Variants in SEC14L1 observed in about 807,000 individuals in gnomAD.
The protein encoded by SEC14L1 is SEC14 like lipid binding 1.
Under a neutral mutation model 85.3 loss-of-function variants are expected in SEC14L1, and 48 were observed. The observed-to-expected ratio is 0.56, with a 90% CI of 0.45 to 0.72. The LOEUF (loss-of-function observed/expected upper bound fraction) is 0.72, where lower values mean the gene tolerates loss of function less well. Among genes scored for constraint, SEC14L1 ranks in the 30% least tolerant of loss-of-function variants. The pLI is 0.00. For synonymous variants in SEC14L1, 391 were observed against 355.5 expected, an observed-to-expected ratio of 1.10 and a Z score of -1.12; for missense variants, 682 against 921.4, an observed-to-expected ratio of 0.74 and a Z score of 3.36.
At chr17:77,118,018 G>A (rs1202149786) in intron 3 of SEC14L1, among the ~76,000 whole-genome samples, 2 of 152,254 alleles carry the variant, frequency 1.3e-5, no homozygotes, top group Non-Finnish European at 2.9e-5. Flanking sequence ...TCTAATCTCA[G>A]TCAGCTTCAG....
intron 3 of SEC14L1, among the ~76,000 whole-genome samples, chr17:77,184,630 C>T (rs1419069524): frequency 3.3e-5 from 5 of 152,160 alleles, no homozygotes; most frequent in African/African-American, 9.7e-5. Flanking sequence ...TGGTGAGAAA[C>T]GTTTCTGCCT....
At chr17:77,138,737 T>A (rs1598280442), upstream of SEC14L1, among the ~76,000 whole-genome samples, 1 of 151,994 alleles carries the variant, frequency 6.6e-6, no homozygotes. Context: ...AGGTGGGAGG[T>A]TCACTTGAGG....
intron 3 of SEC14L1, among the ~76,000 whole-genome samples, chr17:77,116,531 C>T (rs916459362): frequency 6.6e-6 from 1 of 152,072 alleles, no homozygotes; most frequent in African/African-American, 2.4e-5. Context: ...GGAGTGGGAA[C>T]TTGGGAGGAG....
At chr17:77,197,863 C>A (rs1268983480) in intron 8 of SEC14L1, among the ~76,000 whole-genome samples, 3 of 152,200 alleles carry the variant, frequency 2.0e-5, no homozygotes, top group Non-Finnish European at 2.9e-5. Flanking sequence ...GCCTTAGCCT[C>A]CCAAAGGGCT....
At chr17:77,100,264 CTG>C (rs1971737714) in intron 3 of SEC14L1, among the ~76,000 whole-genome samples, 1 of 152,240 alleles carries the variant, frequency 6.6e-6, no homozygotes, top group Non-Finnish European at 1.5e-5. Flanking sequence ...CCTCCGAGCA[CTG>C]TGGTCATCTG....
intron 5 of SEC14L1, among the ~76,000 whole-genome samples, chr17:77,191,725 T>G (rs1167464329): frequency 6.6e-6 from 1 of 151,290 alleles, no homozygotes; most frequent in African/African-American, 2.4e-5. Context: ...GTATTTTTAG[T>G]AAAGATGGGG....
intron 9 of SEC14L1, among the ~76,000 whole-genome samples, chr17:77,202,936 T>TAAAAAAA (rs11349959): frequency 4.5e-5 from 6 of 133,962 alleles, no homozygotes; most frequent in Non-Finnish European, 8.1e-5. Flanking sequence ...AATAAAAAAA[T>TAAAAAAA]AAAAAAAAAA....
chr17:77,095,916 TG>T (rs1418744055), intron 3 of SEC14L1, among the ~76,000 whole-genome samples: 1 of 152,112 alleles, frequency 6.6e-6, no homozygotes, highest in Non-Finnish European at 1.5e-5. Flanking sequence ...ACTGGCATGC[TG>T]GGCATCTTTC....
intron 3 of SEC14L1, among the ~76,000 whole-genome samples, chr17:77,117,413 G>T (rs1263798575): frequency 6.6e-6 from 1 of 152,160 alleles, no homozygotes; most frequent in Non-Finnish European, 1.5e-5. Flanking sequence ...AGGCACCGTT[G>T]GGGTGCACGT....
At chr17:77,162,166 G>T (rs1041139600) in intron 3 of SEC14L1, among the ~76,000 whole-genome samples, 1 of 151,922 alleles carries the variant, frequency 6.6e-6, no homozygotes, top group Admixed American at 6.6e-5. Context: ...GCTCGGCGGG[G>T]GAGGGACCGG....
chr17:77,147,418 A>G (rs1016145973), intron 3 of SEC14L1, among the ~76,000 whole-genome samples: 1 of 152,040 alleles, frequency 6.6e-6, no homozygotes, highest in African/African-American at 2.4e-5. Context: ...CTTGAGTGGT[A>G]TTTACATAAG....
intron 3 of SEC14L1, among the ~76,000 whole-genome samples, chr17:77,165,410 T>C (rs1974240160): frequency 6.6e-6 from 1 of 152,106 alleles, no homozygotes; most frequent in South Asian, 2.1e-4. Context: ...AAGATGTACA[T>C]TGGTGCTGTC....
chr17:77,136,537 T>G (rs1239970937), upstream of SEC14L1, among the ~76,000 whole-genome samples: 1 of 152,244 alleles, frequency 6.6e-6, no homozygotes, highest in Non-Finnish European at 1.5e-5. Context: ...GCTGGGTGTG[T>G]GGTCACTTGG....
In SEC14L1 at chr17:77,214,121, C is replaced by T. The variant is rs1015287790; in HGVS notation, c.*98C>T. The T allele has an allele frequency of 1.3e-6, 2 of 1,510,586 alleles. No homozygotes were observed. Among genetic ancestry groups the T allele is most frequent in the South Asian group, 1.3e-5 (1 of 76,176 alleles). The allele number at this position is 1,510,586 out of a possible 1,614,324, so 93.6% of individuals were successfully genotyped here. Reference sequence around the variant, plus strand: ...CCCAGCGGCGACATTGTACAGACTCCTCTCACCTCTAGATAGCAAATAGCT... The same window carrying T: ...CCCAGCGGCGACATTGTACAGACTCTTCTCACCTCTAGATAGCAAATAGCT... On this transcript the variant is annotated 3_prime_UTR_variant, in exon 17 of 17. Coordinates refer to ENST00000436233, the MANE Select transcript of SEC14L1 (RefSeq NM_001143998.2).
intron 3 of SEC14L1, among the ~76,000 whole-genome samples, chr17:77,171,488 A>G (rs974262781): frequency 1.7e-4 from 26 of 152,314 alleles, no homozygotes; most frequent in African/African-American, 5.8e-4. Context: ...CTTCTAAAGG[A>G]AAGATTTCTT....
upstream of SEC14L1, among the ~76,000 whole-genome samples, chr17:77,136,901 C>A (rs1972815469): frequency 6.6e-6 from 1 of 150,380 alleles, no homozygotes; most frequent in African/African-American, 2.4e-5. Context: ...GCAATAATTT[C>A]TTTTTCTTTC....
rs559139432 is a variant in SEC14L1 at position 77,195,786 on chromosome 17, T to TA, written c.710-415dup. On this transcript the variant is annotated intron_variant, in intron 7 of 16. Transcript: ENST00000436233. Reference sequence around the variant, plus strand: ...TACAGGCGTGAGCCACCAGATTTCTTACATTCTCCAACACAGTAGCTCCAT... The same window carrying TA: ...TACAGGCGTGAGCCACCAGATTTCTTAACATTCTCCAACACAGTAGCTCCAT... Among the ~76,000 whole-genome samples the TA allele has an allele frequency of 1.2e-3, 190 of 152,266 alleles. 1 individual carries two copies. The highest frequency in any genetic ancestry group is 6.8e-3 in the Middle Eastern group (2 of 294).
chr17:77,122,782 G>A (rs1972333670), intron 3 of SEC14L1, among the ~76,000 whole-genome samples: 2 of 152,262 alleles, frequency 1.3e-5, no homozygotes, highest in South Asian at 4.1e-4. Context: ...GGCCAGAGCA[G>A]CAACGCCACC....
At chr17:77,164,736 C>T (rs376645776) in intron 3 of SEC14L1, among the ~76,000 whole-genome samples, 14 of 152,164 alleles carry the variant, frequency 9.2e-5, no homozygotes, top group African/African-American at 3.1e-4. Context: ...GGTGGTGATG[C>T]GGAGTGGGAG....
Sources: allele counts gnomAD v4.1 joint callset (sites outside exome capture counted in the v4.1 genomes callset), GRCh38; gene constraint gnomAD v4.1.1; transcripts MANE v1.5; gene names NCBI Gene and HGNC (gene_info 2026-07-23, HGNC 2026-07-21).